The following CCDC7 variants were observed in gnomAD, a reference collection of about 807,000 sequenced individuals.
The protein encoded by CCDC7 is coiled-coil domain-containing protein 7.
Under a neutral mutation model 196.9 loss-of-function variants are expected in CCDC7, and 183 were observed. The ratio of observed to expected loss-of-function variants is 0.93; its 90% CI spans 0.82 to 1.05. The LOEUF (loss-of-function observed/expected upper bound fraction) is 1.05, where lower values mean the gene tolerates loss of function less well. Among genes scored for constraint, CCDC7 ranks in the 50% least tolerant of loss-of-function variants. The pLI is 0.00. For synonymous variants in CCDC7, 525 were observed against 484.6 expected, an observed-to-expected ratio of 1.08 and a Z score of -1.10; for missense variants, 1,540 against 1,482.2, an observed-to-expected ratio of 1.04 and a Z score of -0.64.
chr10:32,785,050 A>G (rs1336647732), intron 29 of CCDC7, among the ~76,000 whole-genome samples: 1 of 152,150 alleles, frequency 6.6e-6, no homozygotes, highest in Non-Finnish European at 1.5e-5. Context: ...TGTATGAAGA[A>G]CTGTGCAGAA....
intron 3 of CCDC7, among the ~76,000 whole-genome samples, chr10:32,456,921 GATAC>G (rs2034474743): frequency 6.6e-6 from 1 of 151,776 alleles, no homozygotes; most frequent in African/African-American, 2.4e-5. Flanking sequence ...GCGATATTTT[GATAC>G]ATACAATGGG....
chr10:32,804,808 C>G (rs2085482431), intron 29 of CCDC7, among the ~76,000 whole-genome samples: 1 of 152,084 alleles, frequency 6.6e-6, no homozygotes, highest in Non-Finnish European at 1.5e-5. Context: ...ATTTCTATGC[C>G]TCAATACACT....
At chr10:32,749,413 T>G (rs1024287790) in intron 28 of CCDC7, among the ~76,000 whole-genome samples, 2 of 152,186 alleles carry the variant, frequency 1.3e-5, no homozygotes, top group African/African-American at 4.8e-5. Flanking sequence ...TTTTAATAAT[T>G]TAAACTTTTT....
intron 5 of CCDC7, among the ~76,000 whole-genome samples, chr10:32,466,199 A>C (rs1332232522): frequency 6.6e-6 from 1 of 151,054 alleles, no homozygotes; most frequent in African/African-American, 2.4e-5. Context: ...TTGGTGTACC[A>C]GATATATGAT....
chr10:32,600,599 T>G (rs1380944381), intron 18 of CCDC7, among the ~76,000 whole-genome samples: 5 of 152,114 alleles, frequency 3.3e-5, no homozygotes, highest in Non-Finnish European at 7.4e-5. Context: ...CAACTTAATT[T>G]TAATAGCCTA....
At chr10:32,824,067 T>C (rs1489021845) in intron 31 of CCDC7, among the ~76,000 whole-genome samples, 1 of 152,140 alleles carries the variant, frequency 6.6e-6, no homozygotes, top group Non-Finnish European at 1.5e-5. Flanking sequence ...GACCATTGTG[T>C]GCAGATAGGT....
intron 9 of CCDC7, among the ~76,000 whole-genome samples, chr10:32,492,540 T>G (rs948729364): frequency 2.6e-5 from 4 of 151,324 alleles, no homozygotes; most frequent in Non-Finnish European, 4.4e-5. Flanking sequence ...TGCTACAACA[T>G]GGATGAACCC....
intron 29 of CCDC7, 75 bp downstream of exon 30, chr10:32,779,159 TA>T (rs2080619146): frequency 1.8e-6 from 2 of 1,121,948 alleles, no homozygotes; most frequent in Admixed American, 3.0e-5. Flanking sequence ...ATAGTTCTGT[TA>T]AAAAACAGGA....
In CCDC7 at chr10:32,726,829, AAT is replaced by A. The variant is rs753194237; in HGVS notation, c.2667_2668del (p.Thr890SerfsTer7). 4 of 1,551,200 alleles carry A rather than the reference AAT, an allele frequency of 2.6e-6. No homozygotes were observed. In the South Asian group the frequency reaches 4.6e-5, roughly 18 times the overall value. On this transcript the variant is annotated frameshift_variant and splice_region_variant, in exon 26 of 42. Coordinates refer to ENST00000639629, the Ensembl canonical transcript of CCDC7. LOFTEE classifies it high-confidence loss of function. ...AATAACTCCTGGAAGGGAAAGGCGT[AAT>A]AGTAAGTGTAGTAATTATAGATGAC...
At chr10:32,621,968 GAC>G (rs758088202) in intron 18 of CCDC7, among the ~76,000 whole-genome samples, 61 of 152,226 alleles carry the variant, frequency 4.0e-4, no homozygotes, top group Admixed American at 1.4e-3. Flanking sequence ...CCATCAACTT[GAC>G]ACATAAAATT....
exon 34 of CCDC7, chr10:32,845,278 A>G (rs1186363455): frequency 1.3e-6 from 2 of 1,576,122 alleles, no homozygotes; most frequent in Non-Finnish European, 1.7e-6. Flanking sequence ...TGATACTGGA[A>G]GAGGTATAAT....
chr10:32,544,174 T>C (rs1342861285), intron 12 of CCDC7, 73 bp from the exon 14 acceptor site: 1 of 1,274,320 alleles, frequency 7.8e-7, no homozygotes, highest in African/African-American at 1.5e-5. Context: ...GTTTAAAAAG[T>C]CCTCCTCAAG....
chr10:32,464,702 G>T (rs775186776), intron 5 of CCDC7, among the ~76,000 whole-genome samples: 2 of 151,894 alleles, frequency 1.3e-5, no homozygotes, highest in Non-Finnish European at 2.9e-5. Flanking sequence ...GTAGAGATGG[G>T]GTTTTGCCAT....
In CCDC7 at chr10:32,831,746, G is replaced by A. The variant is rs75016954; in HGVS notation, c.3269-3069G>A. ...AAAGTCTTCAGGGAAAGTAACACACGTGAAGCTTTCATCTCCTATGATAAC... is the reference window on the plus strand; with the variant it reads ...AAAGTCTTCAGGGAAAGTAACACACATGAAGCTTTCATCTCCTATGATAAC... On this transcript the variant is annotated intron_variant, in intron 32 of 41. Transcript: ENST00000639629. Among the ~76,000 whole-genome samples the A allele has an allele frequency of 8.0e-3, 1,225 of 152,268 alleles. 7 individuals carry two copies. The highest frequency in any genetic ancestry group is 0.022 in the South Asian group (107 of 4,820).
chr10:32,812,605 GA>G (rs1251508803), intron 30 of CCDC7, among the ~76,000 whole-genome samples: 13 of 152,048 alleles, frequency 8.5e-5, no homozygotes, highest in African/African-American at 2.9e-4. Flanking sequence ...TAAGATTTTA[GA>G]TAGCTTATTT....
chr10:32,447,615 G>A (rs78541309), upstream of CCDC7, among the ~76,000 whole-genome samples: 36 of 152,214 alleles, frequency 2.4e-4, no homozygotes, highest in East Asian at 6.4e-3. Flanking sequence ...AAATGTAAAA[G>A]GGAGCAGGGC....
intron 37 of CCDC7, 76 bp from the exon 39 acceptor site, chr10:32,847,756 GA>G: frequency 2.3e-6 from 2 of 878,164 alleles, no homozygotes; most frequent in Non-Finnish European, 3.5e-6. Flanking sequence ...AATTTCAAAA[GA>G]AAAAAGAACT....
At chr10:32,686,137 T>TGACC in intron 22 of CCDC7, 57 bp downstream of exon 23, 2 of 873,984 alleles carry the variant, frequency 2.3e-6, no homozygotes, top group Non-Finnish European at 3.5e-6. Context: ...ACAGCAAAGG[T>TGACC]ATTTTTCTTC....
At chr10:32,463,183 G>C (rs1005758908) in intron 5 of CCDC7, 134 bp downstream of exon 6, 6 of 1,120,644 alleles carry the variant, frequency 5.4e-6, no homozygotes, top group Non-Finnish European at 7.5e-6. Context: ...CTTTTGGTTT[G>C]GGTAGACAAG....
Sources: allele counts gnomAD v4.1 joint callset (sites outside exome capture counted in the v4.1 genomes callset), GRCh38; gene constraint gnomAD v4.1.1; transcripts MANE v1.5; gene names NCBI Gene and HGNC (gene_info 2026-07-23, HGNC 2026-07-21).